ADCY6: variants seen among roughly 807,000 people sequenced by gnomAD.
ADCY6 encodes the protein adenylate cyclase type 6.
Under a neutral mutation model 111.6 loss-of-function variants are expected in ADCY6, and 59 were observed. The ratio of observed to expected loss-of-function variants is 0.53; its 90% CI spans 0.43 to 0.66. The LOEUF is 0.66. Among genes scored for constraint, ADCY6 ranks in the 30% least tolerant of loss-of-function variants. The probability of loss-of-function intolerance (pLI) is 0.00; values close to 1 mark genes in which losing one functional copy is unlikely to be tolerated. For synonymous variants in ADCY6, 576 were observed against 642.9 expected, an observed-to-expected ratio of 0.90 and a Z score of 1.57; for missense variants, 1,242 against 1,595.6, an observed-to-expected ratio of 0.78 and a Z score of 3.78.
intron 12 of ADCY6, 41 bp downstream of exon 12, chr12:48,774,916 G>A (rs996477937): frequency 2.6e-5 from 40 of 1,532,698 alleles, no homozygotes; most frequent in Middle Eastern, 1.7e-4. Flanking sequence ...TCTGGGAAGT[G>A]GTGAAGAGAG....
chr12:48,788,240 C>T lies in ADCY6; in HGVS notation c.-5+666G>A, dbSNP rs570680303. On this transcript the variant is annotated intron_variant, in intron 1 of 21. Coordinates refer to ENST00000357869, the MANE Select transcript of ADCY6 (RefSeq NM_015270.5). ...CTCTCCCTAAAGATTACAGAGGGCT[C>T]CCACATCACCCTTTACTATGCAACC... 2.3e-3 allele frequency among the ~76,000 whole-genome samples: 343 copies of T among 152,274 alleles called. 2 individuals are homozygous for T. The highest frequency in any genetic ancestry group is 3.0e-3 in the Non-Finnish European group (204 of 68,022).
In ADCY6 at chr12:48,776,729, G is replaced by C; in HGVS notation, c.1377-143C>G. On this transcript the variant is annotated intron_variant, in intron 6 of 21. Transcript: ENST00000357869. The surrounding 1 kb of genome is among the most constrained non-coding windows in gnomAD (Gnocchi z 6.1). The stretch of plus-strand genomic sequence containing the variant: ...CGGGAGCACAGCCTTGGTTGGACAT[G>C]AGCAGAAGGCTGCATGGGGCTCAAG... The C allele has an allele frequency of 8.7e-7, 1 of 1,151,796 alleles. No homozygotes were observed. The highest frequency in any genetic ancestry group is 1.6e-5 in the South Asian group (1 of 61,870). 71.3% of individuals were successfully genotyped at this position (1,151,796 alleles called of 1,614,324 possible).
chr12:48,784,839 T>C (rs1565652593), intron 1 of ADCY6, among the ~76,000 whole-genome samples: 1 of 152,032 alleles, frequency 6.6e-6, no homozygotes, highest in Non-Finnish European at 1.5e-5. Flanking sequence ...AAATTTTTTC[T>C]ATTTTTTAGT....
chr12:48,775,902 G>C, intron 9 of ADCY6, 61 bp downstream of exon 9: 1 of 1,557,784 alleles, frequency 6.4e-7, no homozygotes, highest in Non-Finnish European at 8.7e-7. Context: ...CAGGGTCAGG[G>C]ACAGGGTATT....
intron 2 of ADCY6, among the ~76,000 whole-genome samples, chr12:48,781,713 G>T (rs1941849824): frequency 6.6e-6 from 1 of 152,190 alleles, no homozygotes; most frequent in Non-Finnish European, 1.5e-5. Flanking sequence ...GGAAACTAAG[G>T]CTGGGAGAGG....
Position 48,769,037 on chromosome 12 carries a change from G to A in ADCY6, c.3281C>T (p.Ala1094Val). ...TGGCTTCCGAGCCCCGATGACACCTGCCACGACTGGGCCCATGTTCAGCCC... is the reference window on the plus strand; with the variant it reads ...TGGCTTCCGAGCCCCGATGACACCTACCACGACTGGGCCCATGTTCAGCCC... ...KIGLNMGPVV[A>V]GVIGARKPQY... Residue 1094 changes from alanine (A) to valine (V), a missense_variant, in exon 21 of 22, where the codon GCA becomes GTA. This residue lies in a region of ADCY6 where 245 missense variants were observed against 371.3 expected (regional missense o/e 0.66). Coordinates refer to ENST00000357869, the MANE Select transcript of ADCY6 (RefSeq NM_015270.5). 1.9e-6 allele frequency: 3 copies of A among 1,613,202 alleles called. No homozygotes were observed. The highest frequency in any genetic ancestry group is 2.5e-6 in the Non-Finnish European group (3 of 1,179,590).
Position 48,783,103 on chromosome 12 carries a change from A to T in ADCY6, c.332T>A (p.Val111Glu). 1.2e-6 allele frequency: 2 copies of T among 1,610,766 alleles called. No homozygotes were observed. Among genetic ancestry groups the T allele is most frequent in the Non-Finnish European group, 1.7e-6 (2 of 1,179,236 alleles). ...CCAGCAGGATCGCCCACTCCTGGGCACCGCGTCGGGCGCCACCTCAGCCGT... is the reference window on the plus strand; with the variant it reads ...CCAGCAGGATCGCCCACTCCTGGGCTCCGCGTCGGGCGCCACCTCAGCCGT... ...GGTAEVAPDA[V>E]PRSGRSCWRR... is the part of the protein sequence containing the mutation. The change falls in exon 2 of 22, where the codon GTG (valine) becomes GAG (glutamate). Residue 111 changes from valine (V) to glutamate (E), a missense_variant. By Grantham distance (121) the Val-to-Glu change is moderately radical. Around this residue, in one of 4 missense-constraint regions of ADCY6, gnomAD observed 362 missense variants for 377.2 expected, o/e 0.96. Coordinates refer to ENST00000357869, the MANE Select transcript of ADCY6 (RefSeq NM_015270.5).
chr12:48,782,035 G>A lies in ADCY6; in HGVS notation c.864+536C>T, dbSNP rs1003540214. ...CCCTGTCCTCCCAGAAGTGGCCTTG[G>A]TCCAGGAAAGAGGGGACTCCTCTCT... On this transcript the variant is annotated intron_variant, in intron 2 of 21. Transcript: ENST00000357869. The surrounding 1 kb of genome is among the most constrained non-coding windows in gnomAD (Gnocchi z 4.3). 6.6e-6 allele frequency among the ~76,000 whole-genome samples: 1 copy of A among 152,132 alleles called. No individual in the cohort carries two copies. Among genetic ancestry groups the A allele is most frequent in the Non-Finnish European group, 1.5e-5 (1 of 68,020 alleles).
chr12:48,769,975 A>ATGG (rs1941488291), intron 20 of ADCY6, among the ~76,000 whole-genome samples: 1 of 151,058 alleles, frequency 6.6e-6, no homozygotes, highest in South Asian at 2.1e-4. Flanking sequence ...GTTAGTCAGG[A>ATGG]TGGTCTTGAT....
chr12:48,772,125 G>C (rs1032807037), intron 18 of ADCY6, 152 bp from the exon 19 acceptor site: 24 of 1,374,948 alleles, frequency 1.7e-5, no homozygotes, highest in Non-Finnish European at 2.2e-5. Flanking sequence ...GGTAAAGGGG[G>C]CAGGTAGAGG....
At chr12:48,772,272 C>T in intron 18 of ADCY6, 23 bp downstream of exon 18, 1 of 1,595,366 alleles carries the variant, frequency 6.3e-7, no homozygotes, top group Non-Finnish European at 8.5e-7. Context: ...TCCTCCTCTT[C>T]CCCCAAAGGC....
chr12:48,775,684 G>A lies in ADCY6; in HGVS notation c.1821C>T (p.Ser607=). The A allele has an allele frequency of 6.2e-7, 1 of 1,613,576 alleles. No homozygotes were observed. The highest frequency in any genetic ancestry group is 8.5e-7 in the Non-Finnish European group (1 of 1,179,628). ...KAFRQMGIDD[S]SKDNRGTQDA... is the part of the protein sequence containing the mutation. ...GTAACCTGACTTACTTGTCTTTGCT[G>A]GAATCATCAATGCCCTGGAGAAAGG... Residue 607 remains serine (S), a synonymous_variant, in exon 10 of 22, where the codon TCC becomes TCT. Transcript: ENST00000357869.
rs188926827 is a variant in ADCY6, at chr12:48,774,951, T to C, written c.2078+6A>G. On this transcript the variant is annotated splice_donor_region_variant and intron_variant, in intron 12 of 21. Coordinates refer to ENST00000357869, the MANE Select transcript of ADCY6 (RefSeq NM_015270.5). ...GAAGCTAAGAGAGGAAAGGCAGGGCTCTCACTGTGGGAAGATGAGAAGCTG... is the reference window on the plus strand; with the variant it reads ...GAAGCTAAGAGAGGAAAGGCAGGGCCCTCACTGTGGGAAGATGAGAAGCTG... 113 of 1,552,786 alleles carry C rather than the reference T, an allele frequency of 7.3e-5. No homozygotes were observed. In the African/African-American group the frequency reaches 1.5e-3, roughly 21 times the overall value.
chr12:48,773,906 C>G, intron 15 of ADCY6, 34 bp downstream of exon 15: 3 of 1,607,844 alleles, frequency 1.9e-6, no homozygotes, highest in Non-Finnish European at 2.5e-6. Context: ...TGTGCCAGGA[C>G]AGCCCCCCCA....
Position 48,779,507 on chromosome 12 carries a change from A to G in ADCY6, c.865-1250T>C, listed in dbSNP as rs545409939. ...CTACTGATACAAAGGATGTCCCCTA[A>G]TTGGAGATGGGGTCCACCATGCCTG... On this transcript the variant is annotated intron_variant, in intron 2 of 21. Transcript: ENST00000357869. Among the ~76,000 whole-genome samples, 3 of 152,130 alleles carry G rather than the reference A, an allele frequency of 2.0e-5. No homozygotes were observed. In the East Asian group the frequency reaches 5.8e-4, roughly 30 times the overall value.
At chr12:48,775,620 C>T in intron 10 of ADCY6, 53 bp downstream of exon 10, 2 of 1,597,846 alleles carry the variant, frequency 1.3e-6, no homozygotes, top group Non-Finnish European at 1.7e-6. Flanking sequence ...CGGCTCCCCC[C>T]AGCCCCATCC....
Position 48,778,221 on chromosome 12 carries a change from C to T in ADCY6, c.901G>A (p.Val301Ile), listed in dbSNP as rs754792393. ...GGATAGTGTGTGCAGATGCCAATGA[C>T]GTTGGTGCAGAGGAACAGCAGCACA... is the stretch of plus-strand genomic sequence containing the variant. ...ANVLLFLCTN[V>I]IGICTHYPAE... is the part of the protein sequence containing the mutation. The change falls in exon 3 of 22, where the codon GTC becomes ATC. Residue 301 changes from valine (V) to isoleucine (I), a missense_variant. Physicochemically the swap from Val to Ile is conservative, Grantham distance 29. This residue lies in a region of ADCY6 where 260 missense variants were observed against 414.6 expected (regional missense o/e 0.63). Transcript: ENST00000357869. 15 of 1,613,980 alleles carry T rather than the reference C, an allele frequency of 9.3e-6. No individual in the cohort carries two copies. The highest frequency in any genetic ancestry group is 3.3e-5 in the South Asian group (3 of 91,074).
chr12:48,773,376 G>T, intron 16 of ADCY6, 93 bp downstream of exon 16: 1 of 1,412,814 alleles, frequency 7.1e-7, no homozygotes, highest in Non-Finnish European at 9.6e-7. Flanking sequence ...GGCATTCCAA[G>T]GCACAAGGGG....
At chr12:48,780,337 T>C (rs751566119) in intron 2 of ADCY6, among the ~76,000 whole-genome samples, 35 of 151,678 alleles carry the variant, frequency 2.3e-4, no homozygotes, top group Non-Finnish European at 3.7e-4. Flanking sequence ...CCTGTGATTG[T>C]GAGTAGGGGT....
Sources: gnomAD v4.1 joint callset for allele counts (sites outside exome capture counted in the v4.1 genomes callset) on GRCh38, gnomAD v4.1.1 for gene constraint, gnomAD v4.1.1 regional missense constraint, Gnocchi (gnomAD v3.1) non-coding constraint, MANE v1.5 for transcripts, NCBI Gene and HGNC (gene_info 2026-07-23, HGNC 2026-07-21) for gene names.